GAS2: variants seen among roughly 807,000 people sequenced by gnomAD.
The protein encoded by GAS2 is growth arrest specific 2.
GAS2 carries 20 observed loss-of-function variants against 37.5 expected under a neutral mutation model. The observed-to-expected ratio is 0.53, with a 90% CI of 0.37 to 0.77. The LOEUF is 0.77. Ranked by LOEUF, GAS2 falls within the 30% of genes least tolerant of loss-of-function variation. The pLI, the probability that GAS2 is intolerant of heterozygous loss-of-function variation, is 0.00. For missense variants in GAS2, 336 were observed against 373.4 expected, an observed-to-expected ratio of 0.90 and a Z score of 0.82; for synonymous variants, 144 against 132.2, an observed-to-expected ratio of 1.09 and a Z score of -0.61.
rs1405724136 is a variant in GAS2 at position 22,812,373 on chromosome 11, T to G, written c.*357T>G. 1 of 176,266 alleles carries G rather than the reference T, an allele frequency of 5.7e-6. No homozygotes were observed. The highest frequency in any genetic ancestry group is 1.2e-5 in the Non-Finnish European group (1 of 84,260). The allele number at this position is 176,266 out of a possible 1,614,324, so 10.9% of individuals were successfully genotyped here. A position where few individuals can be genotyped will look rare whatever the true frequency, so the allele number is the denominator to read the frequency against. On this transcript the variant is annotated 3_prime_UTR_variant, in exon 8 of 8. Transcript: ENST00000454584. ...GATAAGTCAACAGAAAGTGCCTGCT[T>G]TACACTCATGAGTAAAAGCACTCCA...
intron 3 of GAS2, among the ~76,000 whole-genome samples, chr11:22,715,310 A>G (rs1851612577): frequency 6.6e-6 from 1 of 151,600 alleles, no homozygotes; most frequent in Admixed American, 6.6e-5. Context: ...AAAATACAAA[A>G]ATTAGCCAAG....
chr11:22,680,063 G>T (rs999209831), intron 2 of GAS2, among the ~76,000 whole-genome samples: 2 of 152,006 alleles, frequency 1.3e-5, no homozygotes, highest in Non-Finnish European at 2.9e-5. Flanking sequence ...ATTTATTAGG[G>T]TTGCTGCTGT....
In GAS2 at chr11:22,811,748, T is replaced by C. The variant is rs746129675; in HGVS notation, c.724-50T>C. ...ACTAGAACCAGGGGTTGATTCAAGG[T>C]ACTGTAAGAATTCTCGGAATTTAAC... On this transcript the variant is annotated intron_variant, in intron 7 of 7. Coordinates refer to ENST00000454584, the MANE Select transcript of GAS2 (RefSeq NM_001143830.3). 6.5e-6 allele frequency: 10 copies of C among 1,533,264 alleles called. No individual in the cohort carries two copies. In the African/African-American group the frequency reaches 1.4e-4, roughly 21 times the overall value. 95.0% of individuals were successfully genotyped at this position (1,533,264 alleles called of 1,614,324 possible).
chr11:22,787,941 T>C (rs184925995), intron 7 of GAS2, among the ~76,000 whole-genome samples: 11 of 152,356 alleles, frequency 7.2e-5, no homozygotes, highest in African/African-American at 2.6e-4. Flanking sequence ...GTATGTAATT[T>C]TGAATAGCTG....
At chr11:22,654,789 A>G (rs1848837113) in intron 1 of GAS2, among the ~76,000 whole-genome samples, 1 of 152,220 alleles carries the variant, frequency 6.6e-6, no homozygotes, top group Admixed American at 6.5e-5. Flanking sequence ...TATTTATCTG[A>G]TAAAGGATAT....
chr11:22,678,944 A>G (rs1403618049), intron 2 of GAS2, among the ~76,000 whole-genome samples: 1 of 152,068 alleles, frequency 6.6e-6, no homozygotes, highest in Non-Finnish European at 1.5e-5. Flanking sequence ...TAAAGCATCA[A>G]CTGCAAACTT....
chr11:22,752,601 G>A (rs1853802570), intron 6 of GAS2, among the ~76,000 whole-genome samples: 1 of 151,468 alleles, frequency 6.6e-6, no homozygotes, highest in African/African-American at 2.4e-5. Flanking sequence ...TAATAATATT[G>A]GCTAATTTTA....
intron 5 of GAS2, among the ~76,000 whole-genome samples, chr11:22,747,647 G>T (rs949412872): frequency 6.6e-6 from 1 of 152,078 alleles, no homozygotes; most frequent in African/African-American, 2.4e-5. Context: ...CATGCTTGGT[G>T]TCTTTAACAG....
intron 6 of GAS2, among the ~76,000 whole-genome samples, chr11:22,750,297 T>A (rs1394312470): frequency 6.6e-6 from 1 of 152,078 alleles, no homozygotes; most frequent in East Asian, 1.9e-4. Flanking sequence ...GGAAAATGGT[T>A]GGACACTACA....
chr11:22,644,393 A>G (rs931712135), intron 1 of GAS2, among the ~76,000 whole-genome samples: 1 of 152,050 alleles, frequency 6.6e-6, no homozygotes, highest in Non-Finnish European at 1.5e-5. Flanking sequence ...TCTTTCCAGT[A>G]TTGTTTTTAT....
chr11:22,685,856 T>A (rs1849916859), intron 3 of GAS2, 67 bp downstream of exon 3: 1 of 1,494,912 alleles, frequency 6.7e-7, no homozygotes, highest in Non-Finnish European at 9.0e-7. Flanking sequence ...TTATAAATTG[T>A]GTGTAATTAA....
At position 22,767,960 on chromosome 11, in the gene GAS2, C is replaced by T. The variant is rs1043410840; in HGVS notation, c.723+12007C>T. ...TTGAATTTCACCACCTCAGTAAAAACGCATAATCTTGGTCCTGGACCCAGC... is the reference window on the plus strand; with the variant it reads ...TTGAATTTCACCACCTCAGTAAAAATGCATAATCTTGGTCCTGGACCCAGC... On this transcript the variant is annotated intron_variant, in intron 7 of 7. Coordinates refer to ENST00000454584, the MANE Select transcript of GAS2 (RefSeq NM_001143830.3). Among the ~76,000 whole-genome samples, 10 of 152,146 alleles carry T rather than the reference C, an allele frequency of 6.6e-5. No individual in the cohort carries two copies. The South Asian group carries it at 8.3e-4, about 13-fold the overall frequency.
At chr11:22,629,031 G>A (rs1858707518) in intron 1 of GAS2, among the ~76,000 whole-genome samples, 1 of 151,866 alleles carries the variant, frequency 6.6e-6, no homozygotes. Context: ...ATGTATGCAT[G>A]TGTGTATATA....
chr11:22,748,131 AC>A (rs1189793710), intron 5 of GAS2, among the ~76,000 whole-genome samples: 2 of 152,100 alleles, frequency 1.3e-5, no homozygotes, highest in African/African-American at 4.8e-5. Flanking sequence ...ATTAAAAAAA[AC>A]ATGTTTTTAA....
rs539188426 is a variant in GAS2 at position 22,652,855 on chromosome 11, G to A, written c.-20-21995G>A. Reference sequence around the variant, plus strand: ...CTAGTGAGATGAATCCGGTACCTCAGATGGAAATGCAAAAATCACCCGTCT... The same window carrying A: ...CTAGTGAGATGAATCCGGTACCTCAAATGGAAATGCAAAAATCACCCGTCT... On this transcript the variant is annotated intron_variant, in intron 1 of 5. Transcript: ENST00000528582. Among the ~76,000 whole-genome samples, 3 of 152,330 alleles carry A rather than the reference G, an allele frequency of 2.0e-5. No homozygotes were observed. In the East Asian group the frequency reaches 5.8e-4, roughly 29 times the overall value.
At chr11:22,735,224 CT>C (rs397750049) in intron 4 of GAS2, among the ~76,000 whole-genome samples, 1,911 of 109,144 alleles carry the variant, frequency 0.018, 22 homozygotes, top group African/African-American at 0.057. Flanking sequence ...ACCAATCATT[CT>C]TTTTTTTTTT....
chr11:22,751,959 T>C (rs12290114), intron 6 of GAS2, among the ~76,000 whole-genome samples: 27,321 of 151,982 alleles, frequency 0.18, 2,654 homozygotes, highest in East Asian at 0.37. Flanking sequence ...AAGCCTTCTT[T>C]AAAGTTTACC....
intron 7 of GAS2, among the ~76,000 whole-genome samples, chr11:22,777,104 C>T (rs367909369): frequency 6.6e-6 from 1 of 152,110 alleles, no homozygotes; most frequent in African/African-American, 2.4e-5. Flanking sequence ...AAAGGAGAGG[C>T]GTACTTGTGA....
chr11:22,745,456 T>C (rs2134267887), intron 5 of GAS2, among the ~76,000 whole-genome samples: 1 of 152,152 alleles, frequency 6.6e-6, no homozygotes, highest in South Asian at 2.1e-4. Context: ...TATACAAAAA[T>C]TAGCTCAAGA....
Sources: gnomAD v4.1 joint callset for allele counts (sites outside exome capture counted in the v4.1 genomes callset) on GRCh38, gnomAD v4.1.1 for gene constraint, MANE v1.5 for transcripts, NCBI Gene and HGNC (gene_info 2026-07-23, HGNC 2026-07-21) for gene names.